Variants in JADE1 observed in about 807,000 individuals in gnomAD.
JADE1 encodes the protein jade family PHD finger 1.
A neutral mutation model predicts 81.8 loss-of-function variants in JADE1; 14 were observed. The ratio of observed to expected loss-of-function variants is 0.17; its 90% confidence interval spans 0.11 to 0.27. JADE1 has a LOEUF of 0.27. Among genes scored for constraint, JADE1 ranks in the 10% least tolerant of loss-of-function variants. The pLI, the probability that JADE1 is intolerant of heterozygous loss-of-function variation, is 1.00. For missense variants in JADE1, 690 were observed against 1,047.9 expected, an observed-to-expected ratio of 0.66 and a Z score of 4.71; for synonymous variants, 353 against 391.9, an observed-to-expected ratio of 0.90 and a Z score of 1.17.
intron 2 of JADE1, among the ~76,000 whole-genome samples, chr4:128,832,139 T>C (rs1405017232): frequency 6.6e-6 from 1 of 152,198 alleles, no homozygotes; most frequent in African/African-American, 2.4e-5. Flanking sequence ...AAGGGGAACT[T>C]AATCAAAGCC....
intron 2 of JADE1, among the ~76,000 whole-genome samples, chr4:128,838,810 G>A (rs1729195587): frequency 6.6e-6 from 1 of 152,154 alleles, no homozygotes; most frequent in African/African-American, 2.4e-5. Context: ...GAGCCTGGCT[G>A]TAGGGAGAGG....
At chr4:128,834,076 T>C (rs1728773882) in intron 2 of JADE1, among the ~76,000 whole-genome samples, 1 of 152,234 alleles carries the variant, frequency 6.6e-6, no homozygotes, top group Non-Finnish European at 1.5e-5. Flanking sequence ...AGTGTAGTTC[T>C]GGACCTTGGC....
intron 5 of JADE1, among the ~76,000 whole-genome samples, chr4:128,849,637 A>T (rs1730178651): frequency 6.6e-6 from 1 of 152,060 alleles, no homozygotes. Flanking sequence ...GATTTTCCTT[A>T]TGTCATGCTG....
chr4:128,837,798 T>A (rs1442850510), intron 2 of JADE1, among the ~76,000 whole-genome samples: 1 of 152,204 alleles, frequency 6.6e-6, no homozygotes, highest in Admixed American at 6.5e-5. Context: ...TACCAGCATA[T>A]TATTTAGTGT....
At chr4:128,867,355 C>T (rs145696528) in intron 9 of JADE1, among the ~76,000 whole-genome samples, 124 of 152,332 alleles carry the variant, frequency 8.1e-4, no homozygotes, top group African/African-American at 2.7e-3. Context: ...CAGGGGGCTC[C>T]ACTTTGATGA....
In JADE1 at chr4:128,813,663, C is replaced by T. The variant is rs1184914764; in HGVS notation, c.-27+3786C>T. On this transcript the variant is annotated intron_variant, in intron 1 of 10. Transcript: ENST00000226319. ...GTCTCGAACTCCTGACCTCGTGATCCGCCCGCCCCGGCCTCTCAAAGTGCT... is the reference window on the plus strand; with the variant it reads ...GTCTCGAACTCCTGACCTCGTGATCTGCCCGCCCCGGCCTCTCAAAGTGCT... Among the ~76,000 whole-genome samples, 8 of 151,994 alleles carry T rather than the reference C, an allele frequency of 5.3e-5. No individual in the cohort carries two copies. The East Asian group carries it at 1.4e-3, about 26-fold the overall frequency.
At chr4:128,857,809 G>A (rs1192899407) in intron 8 of JADE1, among the ~76,000 whole-genome samples, 1 of 152,130 alleles carries the variant, frequency 6.6e-6, no homozygotes, top group Non-Finnish European at 1.5e-5. Context: ...TCCTTGACAC[G>A]GCATTTGAGA....
intron 9 of JADE1, chr4:128,864,689 C>T: frequency 6.4e-6 from 5 of 779,840 alleles, no homozygotes; most frequent in Non-Finnish European, 7.8e-6. Context: ...CAGTTTATAG[C>T]AGATCCTCAA....
chr4:128,832,243 C>T (rs1056311308), intron 2 of JADE1, among the ~76,000 whole-genome samples: 2 of 152,198 alleles, frequency 1.3e-5, no homozygotes, highest in Non-Finnish European at 2.9e-5. Context: ...CTTAATAGGT[C>T]GAAAGTCCCT....
In JADE1 at chr4:128,871,164, T is replaced by C. The variant is rs1732164217; in HGVS notation, c.1622-191T>C. ...AAATGTGGCATATTGAGTCTGCAGA[T>C]TGAATGGAGATTCTCAAGGCAGGTC... On this transcript the variant is annotated intron_variant, in intron 10 of 10. Coordinates refer to ENST00000226319, the MANE Select transcript of JADE1 (RefSeq NM_199320.4). The surrounding 1 kb of genome is among the most constrained non-coding windows in gnomAD (Gnocchi z 4.1). Among the ~76,000 whole-genome samples, 1 of 152,194 alleles carries C rather than the reference T, an allele frequency of 6.6e-6. No homozygotes were observed. Among genetic ancestry groups the C allele is most frequent in the African/African-American group, 2.4e-5 (1 of 41,450 alleles).
chr4:128,860,819 C>T (rs185864504), intron 8 of JADE1, among the ~76,000 whole-genome samples: 20 of 152,282 alleles, frequency 1.3e-4, no homozygotes, highest in East Asian at 7.7e-4. Flanking sequence ...CTCCCTGTGA[C>T]GCATGGGAAG....
At chr4:128,818,570 A>G (rs528417746) in intron 1 of JADE1, among the ~76,000 whole-genome samples, 2 of 152,308 alleles carry the variant, frequency 1.3e-5, no homozygotes, top group Admixed American at 6.5e-5. Flanking sequence ...CGGTTGATTT[A>G]TAGGACAGAT....
chr4:128,872,002 G>C lies in JADE1; in HGVS notation c.2269G>C (p.Gly757Arg). 1 of 1,613,946 alleles carries C rather than the reference G, an allele frequency of 6.2e-7. No individual in the cohort carries two copies. Among genetic ancestry groups the C allele is most frequent in the Non-Finnish European group, 8.5e-7 (1 of 1,179,926 alleles). The change falls in exon 11 of 11, where the codon GGG (glycine) becomes CGG (arginine). Residue 757 changes from glycine (G) to arginine (R), a missense_variant. Coordinates refer to ENST00000226319, the MANE Select transcript of JADE1 (RefSeq NM_199320.4). The stretch of plus-strand genomic sequence containing the variant: ...GGGAGGATTCCGGATTCCAAAGAAG[G>C]GGGAACGGCAGCAGCAGGGAGAGGC... ...NWGGFRIPKKGERQQQGEAHD... is the reference protein window; with the variant it reads ...NWGGFRIPKKRERQQQGEAHD...
intron 1 of JADE1, among the ~76,000 whole-genome samples, chr4:128,826,478 C>T (rs1434677361): frequency 2.0e-5 from 3 of 152,006 alleles, no homozygotes; most frequent in African/African-American, 4.8e-5. Flanking sequence ...CTGCCTCAGC[C>T]TCCTGAGTAG....
chr4:128,817,419 T>C (rs1422963986), intron 1 of JADE1, among the ~76,000 whole-genome samples: 1 of 152,166 alleles, frequency 6.6e-6, no homozygotes, highest in African/African-American at 2.4e-5. Flanking sequence ...GCATCTTCCA[T>C]GAGAGTTTAT....
Position 128,857,331 on chromosome 4 carries a change from C to T in JADE1, c.865-7C>T, listed in dbSNP as rs1279140613. On this transcript the variant is annotated splice_polypyrimidine_tract_variant and splice_region_variant and intron_variant, in intron 7 of 10. Coordinates refer to ENST00000226319, the MANE Select transcript of JADE1 (RefSeq NM_199320.4). ...GCCACCCTGTCTTGCTGTTTTCCGA[C>T]CTTTAGGTGAGCATTGGCAGCCCAG... The T allele has an allele frequency of 1.9e-6, 3 of 1,612,220 alleles. No individual in the cohort carries two copies. In the Admixed American group the frequency reaches 5.0e-5, roughly 27 times the overall value.
At chr4:128,821,892 GT>G (rs1387285378) in intron 1 of JADE1, among the ~76,000 whole-genome samples, 1 of 152,094 alleles carries the variant, frequency 6.6e-6, no homozygotes, top group Non-Finnish European at 1.5e-5. Flanking sequence ...TATATTTTAA[GT>G]GACCTCCTTC....
chr4:128,813,484 TCTTAGCTCA>T (rs1726683735), intron 1 of JADE1, among the ~76,000 whole-genome samples: 2 of 147,176 alleles, frequency 1.4e-5, no homozygotes, highest in African/African-American at 5.0e-5. Flanking sequence ...AGTGGCATGA[TCTTAGCTCA>T]CTGCAACCTC....
At chr4:128,837,213 C>T (rs529200606) in intron 2 of JADE1, among the ~76,000 whole-genome samples, 1 of 152,276 alleles carries the variant, frequency 6.6e-6, no homozygotes, top group East Asian at 1.9e-4. Context: ...TCCCACCTAT[C>T]AGAGCCAGGC....
Sources: gnomAD v4.1 joint callset for allele counts (sites outside exome capture counted in the v4.1 genomes callset) on GRCh38, gnomAD v4.1.1 for gene constraint, Gnocchi (gnomAD v3.1) non-coding constraint, MANE v1.5 for transcripts, NCBI Gene and HGNC (gene_info 2026-07-23, HGNC 2026-07-21) for gene names.